The following AGBL4 variants were observed in gnomAD, a reference collection of about 807,000 sequenced individuals.
AGBL4 encodes AGBL carboxypeptidase 4.
In AGBL4, 58 loss-of-function variants were observed where a neutral mutation model predicts 66.4. The observed-to-expected ratio is 0.87, with a 90% confidence interval of 0.71 to 1.09. AGBL4 has a LOEUF of 1.09. AGBL4 is among the 50% of genes least tolerant of loss of function. The pLI is 0.00. For synonymous variants in AGBL4, 234 were observed against 222.9 expected, an observed-to-expected ratio of 1.05 and a Z score of -0.44; for missense variants, 579 against 631.0, an observed-to-expected ratio of 0.92 and a Z score of 0.88.
chr1:49,008,112 G>A (rs1662021704), intron 5 of AGBL4, among the ~76,000 whole-genome samples: 1 of 152,032 alleles, frequency 6.6e-6, no homozygotes, highest in African/African-American at 2.4e-5. Context: ...ACCCATCAGT[G>A]TGCTGTATTC....
chr1:48,714,311 C>T (rs1408605932), intron 6 of AGBL4, among the ~76,000 whole-genome samples: 1 of 152,156 alleles, frequency 6.6e-6, no homozygotes, highest in Non-Finnish European at 1.5e-5. Context: ...CTCCACAGTG[C>T]CACCCCAGGG....
At chr1:49,326,702 T>C (rs536394620) in intron 3 of AGBL4, among the ~76,000 whole-genome samples, 1 of 152,314 alleles carries the variant, frequency 6.6e-6, no homozygotes, top group East Asian at 1.9e-4. Flanking sequence ...TGTCAAGTTA[T>C]GAGGCAGGGT....
At position 49,371,859 on chromosome 1, in the gene AGBL4, G is replaced by A. The variant is rs1343160707; in HGVS notation, c.283-125995C>T. 5.4e-5 allele frequency among the ~76,000 whole-genome samples: 6 copies of A among 111,508 alleles called. No individual in the cohort carries two copies. The Admixed American group carries it at 6.0e-4, about 11-fold the overall frequency. 73.2% of individuals were successfully genotyped at this position (111,508 alleles called of 152,430 possible). On this transcript the variant is annotated intron_variant, in intron 3 of 13. Transcript: ENST00000371839. ...TGTGTGTGTGTGTGTGTGTGTGTGTGTGTGTGTGTTTAAATAGACACCTCT... is the reference window on the plus strand; with the variant it reads ...TGTGTGTGTGTGTGTGTGTGTGTGTATGTGTGTGTTTAAATAGACACCTCT...
intron 1 of AGBL4, among the ~76,000 whole-genome samples, chr1:49,924,496 G>GATTTATTT (rs79857167): frequency 1.3e-5 from 2 of 151,710 alleles, no homozygotes; most frequent in African/African-American, 2.4e-5. Flanking sequence ...GTTTTATTTG[G>GATTTATTT]ATTTATTTAT....
At chr1:49,937,389 T>A (rs1470637574) in intron 1 of AGBL4, among the ~76,000 whole-genome samples, 1 of 151,948 alleles carries the variant, frequency 6.6e-6, no homozygotes, top group Non-Finnish European at 1.5e-5. Flanking sequence ...ACAATAATAA[T>A]GGGAGACTTT....
chr1:48,830,834 A>AT (rs1022546338), intron 6 of AGBL4, among the ~76,000 whole-genome samples: 49 of 152,114 alleles, frequency 3.2e-4, no homozygotes, highest in African/African-American at 1.0e-3. Flanking sequence ...ACATTATTTC[A>AT]TTTTTTTTAA....
chr1:48,564,032 A>G (rs1261977581), intron 11 of AGBL4, among the ~76,000 whole-genome samples: 1 of 152,112 alleles, frequency 6.6e-6, no homozygotes, highest in African/African-American at 2.4e-5. Flanking sequence ...ATGATCAGCC[A>G]GGGGGGTATT....
intron 4 of AGBL4, among the ~76,000 whole-genome samples, chr1:49,147,832 GA>G (rs1329389184): frequency 7.9e-5 from 12 of 152,174 alleles, no homozygotes; most frequent in Admixed American, 1.3e-4. Context: ...CAGGGAAGGA[GA>G]GGGGGGGTGA....
At chr1:49,326,219 T>G (rs1238575156) in intron 3 of AGBL4, among the ~76,000 whole-genome samples, 1 of 152,210 alleles carries the variant, frequency 6.6e-6, no homozygotes, top group African/African-American at 2.4e-5. Flanking sequence ...ACTTTCATTT[T>G]TGAAGGATAT....
At chr1:48,891,086 A>G (rs1402430269) in intron 5 of AGBL4, among the ~76,000 whole-genome samples, 2 of 152,200 alleles carry the variant, frequency 1.3e-5, no homozygotes, top group Non-Finnish European at 2.9e-5. Flanking sequence ...AATGCTTTTA[A>G]CTAAAAAGAA....
At chr1:49,758,740 T>C (rs1652085840) in intron 2 of AGBL4, among the ~76,000 whole-genome samples, 1 of 151,500 alleles carries the variant, frequency 6.6e-6, no homozygotes, top group Admixed American at 6.6e-5. Flanking sequence ...GGCTCATAGA[T>C]GGAAGGGGCT....
intron 6 of AGBL4, among the ~76,000 whole-genome samples, chr1:48,783,922 C>T (rs140419599): frequency 2.0e-5 from 3 of 152,192 alleles, no homozygotes; most frequent in African/African-American, 7.2e-5. Flanking sequence ...TATAGGGATC[C>T]TAAATGTCTA....
At chr1:48,719,572 A>C (rs1647110808) in intron 6 of AGBL4, among the ~76,000 whole-genome samples, 1 of 152,172 alleles carries the variant, frequency 6.6e-6, no homozygotes, top group Non-Finnish European at 1.5e-5. Flanking sequence ...AAGGCCCTCC[A>C]TGACTGGGCC....
intron 3 of AGBL4, among the ~76,000 whole-genome samples, chr1:49,408,660 C>G (rs191649432): frequency 3.9e-5 from 6 of 152,336 alleles, no homozygotes; most frequent in Admixed American, 3.9e-4. Flanking sequence ...CTGGATGCTT[C>G]TTGCCCTCAC....
intron 3 of AGBL4, among the ~76,000 whole-genome samples, chr1:49,253,934 A>T (rs1652272534): frequency 6.6e-6 from 1 of 152,206 alleles, no homozygotes; most frequent in South Asian, 2.1e-4. Context: ...ATTTCAAAAG[A>T]TGCAGAAAAG....
chr1:49,745,855 C>G (rs1394734816), intron 2 of AGBL4, among the ~76,000 whole-genome samples: 2 of 151,604 alleles, frequency 1.3e-5, no homozygotes, highest in Non-Finnish European at 2.9e-5. Flanking sequence ...AAATAGAAGA[C>G]AGAAACAACA....
At chr1:49,291,518 A>G (rs1644532771) in intron 3 of AGBL4, among the ~76,000 whole-genome samples, 1 of 152,244 alleles carries the variant, frequency 6.6e-6, no homozygotes, top group African/African-American at 2.4e-5. Context: ...TAATATGGAT[A>G]ACAGATTGTT....
chr1:48,695,881 CTCCTACACCCCCA>C (rs1230479042), intron 6 of AGBL4, among the ~76,000 whole-genome samples: 2 of 152,048 alleles, frequency 1.3e-5, no homozygotes, highest in East Asian at 3.9e-4. Flanking sequence ...ACCCCTAAAC[CTCCTACACCCCCA>C]TCCCCACTCT....
chr1:49,623,189 G>T (rs182087909), intron 3 of AGBL4, among the ~76,000 whole-genome samples: 2 of 152,108 alleles, frequency 1.3e-5, no homozygotes, highest in Non-Finnish European at 1.5e-5. Flanking sequence ...GCTGGTGATC[G>T]CTCCACAAAG....
Sources: allele counts gnomAD v4.1 joint callset (sites outside exome capture counted in the v4.1 genomes callset), GRCh38; gene constraint gnomAD v4.1.1; transcripts MANE v1.5; gene names NCBI Gene and HGNC (gene_info 2026-07-23, HGNC 2026-07-21).